The following FSTL4 variants were observed in gnomAD, a reference collection of about 807,000 sequenced individuals.
FSTL4 encodes follistatin like 4.
FSTL4 carries 28 observed loss-of-function variants against 78.2 expected under a neutral mutation model. The ratio of observed to expected loss-of-function variants is 0.36; its 90% confidence interval spans 0.27 to 0.49. The LOEUF is 0.49. FSTL4 is among the 20% of genes least tolerant of loss of function. FSTL4 has a pLI of 0.98. For missense variants in FSTL4, 922 were observed against 1,084.9 expected (o/e 0.85, Z 2.11); for synonymous variants, 422 against 440.5 (o/e 0.96, Z 0.53).
chr5:133,351,086 G>A (rs1754812138), intron 4 of FSTL4, among the ~76,000 whole-genome samples: 1 of 152,196 alleles, frequency 6.6e-6, no homozygotes, highest in South Asian at 2.1e-4. Flanking sequence ...GGCCAGCAGA[G>A]GGAAAGCGGC....
the FSTL4 span, among the ~76,000 whole-genome samples, chr5:133,767,600 A>T: frequency 6.6e-6 from 1 of 152,204 alleles, no homozygotes; most frequent in African/African-American, 2.4e-5. Context: ...ACTTGACCAT[A>T]GTACAAATGA....
chr5:133,252,116 G>A (rs967544243), intron 6 of FSTL4: 5 of 152,262 alleles, frequency 3.3e-5, no homozygotes, highest in African/African-American at 1.2e-4. Context: ...TTTAGACAGA[G>A]CACTACTTAC....
intron 2 of FSTL4, among the ~76,000 whole-genome samples, chr5:133,570,720 G>T (rs1255348487): frequency 6.6e-6 from 1 of 152,044 alleles, no homozygotes; most frequent in East Asian, 1.9e-4. Context: ...TATAAAAGTG[G>T]AATTAAAAAA....
At chr5:133,402,260 AC>A (rs901203262) in intron 3 of FSTL4, among the ~76,000 whole-genome samples, 12 of 152,178 alleles carry the variant, frequency 7.9e-5, no homozygotes, top group Admixed American at 3.3e-4. Flanking sequence ...GAGCTCACAC[AC>A]CAAAGAGGTC....
chr5:133,558,464 C>G (rs1291718750), intron 3 of FSTL4, among the ~76,000 whole-genome samples: 1 of 152,088 alleles, frequency 6.6e-6, no homozygotes, highest in Non-Finnish European at 1.5e-5. Flanking sequence ...TGCGCTCAGA[C>G]CCCGGCCCAG....
chr5:133,232,954 G>A (rs1751538390), intron 8 of FSTL4, among the ~76,000 whole-genome samples: 1 of 152,254 alleles, frequency 6.6e-6, no homozygotes, highest in Non-Finnish European at 1.5e-5. Context: ...GGCCTCCTGG[G>A]GAGGGAGACG....
chr5:133,751,480 C>T, the FSTL4 span, among the ~76,000 whole-genome samples: 1 of 152,150 alleles, frequency 6.6e-6, no homozygotes, highest in Non-Finnish European at 1.5e-5. Flanking sequence ...TACTAGTGTT[C>T]AATGGAAGAG....
chr5:133,678,752 C>G, the FSTL4 span, among the ~76,000 whole-genome samples: 1 of 151,986 alleles, frequency 6.6e-6, no homozygotes, highest in African/African-American at 2.4e-5. Flanking sequence ...GTATTTAAAC[C>G]CCTGAGACTA....
At chr5:133,701,502 CACACA>C in the FSTL4 span, among the ~76,000 whole-genome samples, 2 of 134,064 alleles carry the variant, frequency 1.5e-5, no homozygotes, top group South Asian at 2.4e-4. Context: ...CACACACACA[CACACA>C]CACCCCACAG....
chr5:133,655,237 G>A, the FSTL4 span, among the ~76,000 whole-genome samples: 12 of 151,968 alleles, frequency 7.9e-5, no homozygotes, highest in Admixed American at 5.2e-4. Flanking sequence ...TACTATCTGT[G>A]TTCAGAATCT....
intron 3 of FSTL4, among the ~76,000 whole-genome samples, chr5:133,405,515 C>T (rs763537455): frequency 1.3e-5 from 2 of 152,176 alleles, no homozygotes; most frequent in Non-Finnish European, 2.9e-5. Context: ...CACAGGGGAG[C>T]GGCAGCCCTC....
chr5:133,455,466 T>G (rs1357140388), intron 3 of FSTL4, among the ~76,000 whole-genome samples: 2 of 115,472 alleles, frequency 1.7e-5, no homozygotes. Flanking sequence ...TAAAATAAAT[T>G]TGTTTTTTAA....
At chr5:133,330,365 G>A (rs990268231) in intron 4 of FSTL4, among the ~76,000 whole-genome samples, 1 of 152,202 alleles carries the variant, frequency 6.6e-6, no homozygotes, top group African/African-American at 2.4e-5. Flanking sequence ...GAGGCCTCAG[G>A]AAGCTTTTAC....
the FSTL4 span, among the ~76,000 whole-genome samples, chr5:133,779,847 G>A: frequency 6.6e-6 from 1 of 152,324 alleles, no homozygotes. Flanking sequence ...TTTCCCAGAA[G>A]AAGAACCTGA....
At chr5:133,549,279 C>T (rs1759645457) in intron 3 of FSTL4, among the ~76,000 whole-genome samples, 1 of 152,236 alleles carries the variant, frequency 6.6e-6, no homozygotes, top group Non-Finnish European at 1.5e-5. Context: ...AGCTTTGTCT[C>T]CTCCTTGCAT....
At chr5:133,269,573 A>C (rs1016186616) in intron 6 of FSTL4, among the ~76,000 whole-genome samples, 1 of 152,224 alleles carries the variant, frequency 6.6e-6, no homozygotes, top group African/African-American at 2.4e-5. Context: ...CTGGACTTGA[A>C]GGATATGTTC....
At chr5:133,271,833 C>G (rs1209613922) in intron 6 of FSTL4, among the ~76,000 whole-genome samples, 1 of 152,138 alleles carries the variant, frequency 6.6e-6, no homozygotes, top group Non-Finnish European at 1.5e-5. Flanking sequence ...GGAAGTTAAT[C>G]AGTTTTCTAG....
rs369633907 is a variant in FSTL4, at chr5:133,361,131, C to A, written c.409+39607G>T. Among the ~76,000 whole-genome samples the A allele has an allele frequency of 6.0e-4, 92 of 152,268 alleles. No individual in the cohort carries two copies. The highest frequency in any genetic ancestry group is 2.1e-3 in the African/African-American group (89 of 41,546). On this transcript the variant is annotated intron_variant, in intron 4 of 15. Coordinates refer to ENST00000265342, the MANE Select transcript of FSTL4 (RefSeq NM_015082.2). This position sits in a 1 kb window ranked among gnomAD's most constrained non-coding sequence, Gnocchi z 4.3. ...ACATCAGATTAACTTTTTCTGAGCC[C>A]TTGAAGCCGAGAGCAAGTCTGAAAC...
the FSTL4 span, among the ~76,000 whole-genome samples, chr5:133,803,685 A>G: frequency 1.3e-5 from 2 of 152,076 alleles, no homozygotes; most frequent in African/African-American, 4.8e-5. Context: ...CCCACTCTTC[A>G]TTTCTTCAAA....
Sources: allele counts gnomAD v4.1 joint callset (sites outside exome capture counted in the v4.1 genomes callset), GRCh38; gene constraint gnomAD v4.1.1; non-coding constraint Gnocchi (gnomAD v3.1); transcripts MANE v1.5; gene names NCBI Gene and HGNC (gene_info 2026-07-23, HGNC 2026-07-21).